Variants in LINGO2 observed in about 807,000 individuals in gnomAD.
The protein encoded by LINGO2 is leucine rich repeat and Ig domain containing 2.
A neutral mutation model predicts 30.6 loss-of-function variants in LINGO2; 14 were observed. The ratio of observed to expected loss-of-function variants is 0.46; its 90% confidence interval spans 0.30 to 0.72. LINGO2 has a LOEUF of 0.72. Among genes scored for constraint, LINGO2 ranks in the 30% least tolerant of loss-of-function variants. The pLI is 0.07. For synonymous variants in LINGO2, 317 were observed against 288.5 expected, an observed-to-expected ratio of 1.10 and a Z score of -1.00; for missense variants, 729 against 751.7, an observed-to-expected ratio of 0.97 and a Z score of 0.35.
chr9:28,226,276 T>C (rs1238203347), intron 4 of LINGO2, among the ~76,000 whole-genome samples: 1 of 152,122 alleles, frequency 6.6e-6, no homozygotes, highest in Non-Finnish European at 1.5e-5. Context: ...GCTACATCTC[T>C]AGCCTATCTG....
chr9:28,621,986 C>T (rs1326348619), intron 1 of LINGO2, among the ~76,000 whole-genome samples: 1 of 152,020 alleles, frequency 6.6e-6, no homozygotes, highest in Non-Finnish European at 1.5e-5. Flanking sequence ...TACCACAAAC[C>T]TAGTTATTCC....
intron 4 of LINGO2, among the ~76,000 whole-genome samples, chr9:28,236,851 A>G (rs1409914043): frequency 6.6e-6 from 1 of 152,156 alleles, no homozygotes. Context: ...ACTATAGTCA[A>G]TAATAATTTA....
At chr9:29,190,157 A>T in the LINGO2 span, among the ~76,000 whole-genome samples, 1 of 152,210 alleles carries the variant, frequency 6.6e-6, no homozygotes, top group South Asian at 2.1e-4. Context: ...AAAAATATTT[A>T]AAAATGTTTC....
At chr9:28,708,514 T>C in the LINGO2 span, among the ~76,000 whole-genome samples, 1 of 152,090 alleles carries the variant, frequency 6.6e-6, no homozygotes, top group African/African-American at 2.4e-5. Flanking sequence ...GTACTATGAA[T>C]AATAAAATGC....
chr9:29,200,908 T>C, the LINGO2 span, among the ~76,000 whole-genome samples: 4 of 152,002 alleles, frequency 2.6e-5, no homozygotes. Context: ...TGGTTGGGAT[T>C]TGCCTATTTT....
chr9:28,854,843 C>T, the LINGO2 span, among the ~76,000 whole-genome samples: 1 of 151,824 alleles, frequency 6.6e-6, no homozygotes, highest in Non-Finnish European at 1.5e-5. Context: ...TTCTTTGGCA[C>T]AAACAATTAA....
At chr9:28,986,394 G>C in the LINGO2 span, among the ~76,000 whole-genome samples, 166 of 151,852 alleles carry the variant, frequency 1.1e-3, no homozygotes, top group African/African-American at 3.9e-3. Flanking sequence ...TACAACTTTT[G>C]TCTCTTTCTA....
intron 2 of LINGO2, among the ~76,000 whole-genome samples, chr9:28,448,646 G>T (rs1390990725): frequency 6.6e-6 from 1 of 152,016 alleles, no homozygotes; most frequent in East Asian, 1.9e-4. Context: ...GCCTAGAAAA[G>T]AAGGTAAATC....
intron 4 of LINGO2, among the ~76,000 whole-genome samples, chr9:28,099,259 G>A (rs1168751283): frequency 2.6e-5 from 4 of 152,068 alleles, no homozygotes; most frequent in African/African-American, 7.2e-5. Context: ...AGCATCTAGT[G>A]ATTATTTTAA....
chr9:28,668,185 A>G (rs926491820), intron 1 of LINGO2, among the ~76,000 whole-genome samples: 1 of 152,148 alleles, frequency 6.6e-6, no homozygotes, highest in East Asian at 1.9e-4. Context: ...AATAATAGGC[A>G]AATAATTCAG....
chr9:28,228,673 T>TA (rs1479055315), intron 4 of LINGO2, among the ~76,000 whole-genome samples: 1 of 151,898 alleles, frequency 6.6e-6, no homozygotes, highest in Non-Finnish European at 1.5e-5. Flanking sequence ...TAAAATGATT[T>TA]AAAAATCACT....
At chr9:29,208,477 A>G in the LINGO2 span, among the ~76,000 whole-genome samples, 15 of 152,066 alleles carry the variant, frequency 9.9e-5, no homozygotes, top group Non-Finnish European at 2.1e-4. Flanking sequence ...ATATATAAAT[A>G]TTAATTTAAA....
At chr9:28,794,384 G>A in the LINGO2 span, among the ~76,000 whole-genome samples, 5 of 152,136 alleles carry the variant, frequency 3.3e-5, no homozygotes, top group Non-Finnish European at 1.5e-5. Context: ...TTAACTTTAT[G>A]CTACACCTTG....
chr9:28,533,568 T>G (rs1821316897), intron 1 of LINGO2, among the ~76,000 whole-genome samples: 1 of 152,178 alleles, frequency 6.6e-6, no homozygotes, highest in African/African-American at 2.4e-5. Context: ...GTCAAGATTC[T>G]CAAACTTAGG....
At chr9:28,909,373 A>G in the LINGO2 span, among the ~76,000 whole-genome samples, 1 of 152,120 alleles carries the variant, frequency 6.6e-6, no homozygotes, top group African/African-American at 2.4e-5. Flanking sequence ...CAATGATGAA[A>G]AGAATATAAA....
the LINGO2 span, among the ~76,000 whole-genome samples, chr9:29,052,915 T>G: frequency 6.6e-6 from 1 of 152,274 alleles, no homozygotes; most frequent in East Asian, 1.9e-4. Flanking sequence ...AAGACTAAAC[T>G]TTCTTGTCAA....
intron 4 of LINGO2, among the ~76,000 whole-genome samples, chr9:28,288,882 G>T (rs551299759): frequency 2.0e-5 from 3 of 152,132 alleles, no homozygotes. Context: ...GAATCACCTT[G>T]GGGAAAGCAT....
At chr9:28,688,563 C>G in the LINGO2 span, among the ~76,000 whole-genome samples, 2 of 152,024 alleles carry the variant, frequency 1.3e-5, no homozygotes, top group South Asian at 2.1e-4. Flanking sequence ...GGAAATTGCC[C>G]GAGGAAGAAT....
the LINGO2 span, among the ~76,000 whole-genome samples, chr9:29,192,702 T>C: frequency 6.6e-6 from 1 of 152,202 alleles, no homozygotes; most frequent in African/African-American, 2.4e-5. Flanking sequence ...TTTTATTTGA[T>C]ATTACTTTGT....
Sources: allele counts gnomAD v4.1 joint callset (sites outside exome capture counted in the v4.1 genomes callset), GRCh38; gene constraint gnomAD v4.1.1; transcripts MANE v1.5; gene names NCBI Gene and HGNC (gene_info 2026-07-23, HGNC 2026-07-21).